Variants in CYFIP1 observed in about 807,000 individuals in gnomAD.
The protein encoded by CYFIP1 is cytoplasmic FMR1-interacting protein 1.
A neutral mutation model predicts 163.5 loss-of-function variants in CYFIP1; 58 were observed. The observed-to-expected ratio is 0.35, with a 90% CI of 0.29 to 0.44. CYFIP1 has a LOEUF of 0.44. Ranked by LOEUF, CYFIP1 falls within the 20% of genes least tolerant of loss-of-function variation. The pLI is 1.00. For synonymous variants in CYFIP1, 663 were observed against 660.7 expected, an observed-to-expected ratio of 1.00 and a Z score of -0.05; for missense variants, 1,338 against 1,653.8, an observed-to-expected ratio of 0.81 and a Z score of 3.31.
intron 1 of CYFIP1, among the ~76,000 whole-genome samples, chr15:22,949,963 T>C (rs990995829): frequency 2.6e-5 from 4 of 151,978 alleles, no homozygotes; most frequent in African/African-American, 9.7e-5. Context: ...ATCCTGCCTC[T>C]TTTAAAAAAA....
At chr15:22,914,050 A>G (rs2142084513) in intron 17 of CYFIP1, among the ~76,000 whole-genome samples, 1 of 152,302 alleles carries the variant, frequency 6.6e-6, no homozygotes, top group South Asian at 2.1e-4. Flanking sequence ...CATGAACTTT[A>G]TATTTTGAAA....
Position 22,917,739 on chromosome 15 carries a change from G to A in CYFIP1, c.1674+49C>T, listed in dbSNP as rs2061036437. 1 of 1,521,962 alleles carries A rather than the reference G, an allele frequency of 6.6e-7. No individual in the cohort carries two copies. Among genetic ancestry groups the A allele is most frequent in the South Asian group, 1.3e-5 (1 of 79,414 alleles). 94.3% of individuals were successfully genotyped at this position (1,521,962 alleles called of 1,614,324 possible). A position where few individuals can be genotyped will look rare whatever the true frequency, so the allele number is the denominator to read the frequency against. ...CAGCCCCACCCGCTCACAGCTCAGG[G>A]TGGGTCCCCCCAGGGAGAGGGTGCA... On this transcript the variant is annotated intron_variant, in intron 15 of 30. Transcript: ENST00000617928. This position sits in a 1 kb window ranked among gnomAD's most constrained non-coding sequence, Gnocchi z 4.2.
chr15:22,924,716 G>GA (rs11426808), intron 13 of CYFIP1, among the ~76,000 whole-genome samples: 77,058 of 151,560 alleles, frequency 0.51, 20,567 homozygotes, highest in African/African-American at 0.67. Flanking sequence ...ATGGTTATGT[G>GA]AAAAAAAAGC....
chr15:22,896,287 C>T (rs887781659), intron 22 of CYFIP1, among the ~76,000 whole-genome samples: 1 of 152,108 alleles, frequency 6.6e-6, no homozygotes, highest in Non-Finnish European at 1.5e-5. Flanking sequence ...TTGACCTGGT[C>T]AGTGCTAGGC....
intron 1 of CYFIP1, among the ~76,000 whole-genome samples, chr15:22,960,146 G>A (rs1433583932): frequency 1.3e-5 from 2 of 152,112 alleles, no homozygotes; most frequent in African/African-American, 2.4e-5. Flanking sequence ...AGTGTCTCCT[G>A]GGATCCCCTA....
At chr15:22,967,517 T>A (rs920016938) in intron 1 of CYFIP1, among the ~76,000 whole-genome samples, 1 of 152,128 alleles carries the variant, frequency 6.6e-6, no homozygotes, top group Non-Finnish European at 1.5e-5. Context: ...TGGGAAGACA[T>A]GTGCCGGCCT....
At chr15:22,889,036 C>T (rs1401489631) in intron 23 of CYFIP1, among the ~76,000 whole-genome samples, 2 of 145,756 alleles carry the variant, frequency 1.4e-5, no homozygotes, top group South Asian at 2.3e-4. Context: ...CAGACTCTGT[C>T]TCAAAAAAAA....
chr15:22,954,186 A>G (rs1325267251), intron 1 of CYFIP1, among the ~76,000 whole-genome samples: 1 of 152,208 alleles, frequency 6.6e-6, no homozygotes, highest in Non-Finnish European at 1.5e-5. Context: ...GACCAGGCAC[A>G]GAGGGAAGAC....
intron 18 of CYFIP1, among the ~76,000 whole-genome samples, chr15:22,911,218 G>A (rs987521800): frequency 6.6e-6 from 1 of 152,100 alleles, no homozygotes; most frequent in Non-Finnish European, 1.5e-5. Context: ...TAATCTTACT[G>A]TCCAACAACA....
At chr15:22,910,423 G>A (rs1336867105) in intron 20 of CYFIP1, 97 bp downstream of exon 20, 9 of 969,630 alleles carry the variant, frequency 9.3e-6, no homozygotes, top group Admixed American at 8.2e-5. Flanking sequence ...TGGCCTCCCA[G>A]TGTTGGGATT....
At chr15:22,954,449 G>A (rs1424962480) in intron 1 of CYFIP1, among the ~76,000 whole-genome samples, 1 of 152,218 alleles carries the variant, frequency 6.6e-6, no homozygotes, top group African/African-American at 2.4e-5. Flanking sequence ...TGCTGATCAT[G>A]AAAATAATAC....
intron 8 of CYFIP1, among the ~76,000 whole-genome samples, chr15:22,938,911 C>T (rs35568857): frequency 0.012 from 891 of 76,356 alleles, 1 homozygote; most frequent in South Asian, 0.027. Flanking sequence ...GAGAATAAAA[C>T]GAAAAGCAGC....
intron 13 of CYFIP1, among the ~76,000 whole-genome samples, chr15:22,920,697 A>G (rs2061147421): frequency 6.6e-6 from 1 of 152,224 alleles, no homozygotes; most frequent in African/African-American, 2.4e-5. Flanking sequence ...TTAGAAAGGA[A>G]AAAGTCTGGA....
chr15:22,948,070 G>C (rs1428376909), intron 1 of CYFIP1: 2 of 846,276 alleles, frequency 2.4e-6, no homozygotes, highest in South Asian at 5.6e-5. Context: ...AGGAGACACT[G>C]AACAGAAGGA....
chr15:22,933,956 C>G (rs932853813), intron 9 of CYFIP1, 63 bp from the exon 10 acceptor site: 1 of 1,161,884 alleles, frequency 8.6e-7, no homozygotes, highest in Non-Finnish European at 1.3e-6. Flanking sequence ...TACATAAGCA[C>G]AAGGAAACTG....
At chr15:22,925,899 T>G in intron 13 of CYFIP1, 83 bp downstream of exon 13, 2 of 1,568,046 alleles carry the variant, frequency 1.3e-6, no homozygotes, top group Non-Finnish European at 1.7e-6. Flanking sequence ...ACAGGCAGTT[T>G]TGTTCATGTT....
intron 21 of CYFIP1, chr15:22,904,144 G>A: frequency 1.7e-6 from 1 of 580,478 alleles, no homozygotes; most frequent in Non-Finnish European, 3.1e-6. Flanking sequence ...ACCTACCCCT[G>A]CTGTCCAGCA....
chr15:22,912,066 G>A (rs1397624056), intron 18 of CYFIP1, 113 bp downstream of exon 18: 33 of 943,334 alleles, frequency 3.5e-5, no homozygotes, highest in East Asian at 1.1e-4. Flanking sequence ...TGCTTGCTTC[G>A]TGGTTTATAC....
At chr15:22,976,633 T>C (rs1217960591) in intron 1 of CYFIP1, among the ~76,000 whole-genome samples, 1 of 152,154 alleles carries the variant, frequency 6.6e-6, no homozygotes. Context: ...ATAACTTTTA[T>C]TCAGTATATA....
Sources: gnomAD v4.1 joint callset for allele counts (sites outside exome capture counted in the v4.1 genomes callset) on GRCh38, gnomAD v4.1.1 for gene constraint, Gnocchi (gnomAD v3.1) non-coding constraint, MANE v1.5 for transcripts, NCBI Gene and HGNC (gene_info 2026-07-23, HGNC 2026-07-21) for gene names.